Variants in EPB41L1 observed in about 807,000 individuals in gnomAD.
EPB41L1 encodes the protein erythrocyte membrane protein band 4.1 like 1, also known as band 4.1-like protein 1.
Under a neutral mutation model 97.8 loss-of-function variants are expected in EPB41L1, and 29 were observed. The ratio of observed to expected loss-of-function variants is 0.30; its 90% CI spans 0.22 to 0.40. EPB41L1 has a LOEUF of 0.40. EPB41L1 is among the 10% of genes least tolerant of loss of function. The pLI is 1.00. For missense variants in EPB41L1, 812 were observed against 1,162.3 expected, an observed-to-expected ratio of 0.70 and a Z score of 4.38; for synonymous variants, 383 against 459.2, an observed-to-expected ratio of 0.83 and a Z score of 2.12.
intron 2 of EPB41L1, among the ~76,000 whole-genome samples, chr20:36,140,634 A>T (rs2059603098): frequency 6.6e-6 from 1 of 152,210 alleles, no homozygotes; most frequent in African/African-American, 2.4e-5. Flanking sequence ...TGCAAAAATA[A>T]AATTGGAATG....
At chr20:36,120,966 T>G (rs1229259449) in intron 2 of EPB41L1, among the ~76,000 whole-genome samples, 3 of 151,964 alleles carry the variant, frequency 2.0e-5, no homozygotes, top group African/African-American at 4.8e-5. Context: ...TCCCAGAGCC[T>G]TTGGTAGTTC....
chr20:36,120,498 T>C (rs963963218), intron 2 of EPB41L1, among the ~76,000 whole-genome samples: 1 of 152,212 alleles, frequency 6.6e-6, no homozygotes, highest in African/African-American at 2.4e-5. Context: ...ATCTGCCTTT[T>C]GCCTTTGAAT....
At chr20:36,213,602 C>T (rs886765398) in intron 16 of EPB41L1, among the ~76,000 whole-genome samples, 4 of 152,180 alleles carry the variant, frequency 2.6e-5, no homozygotes, top group Admixed American at 1.3e-4. Context: ...TTTAGTAACA[C>T]GTGTTTCTGT....
intron 8 of EPB41L1, 28 bp from the exon 9 acceptor site, chr20:36,188,319 T>A: frequency 6.2e-7 from 1 of 1,612,276 alleles, no homozygotes; most frequent in Non-Finnish European, 8.5e-7. Context: ...ACCCCGGGCC[T>A]CCCATTCCAT....
intron 13 of EPB41L1, 184 bp from the exon 14 acceptor site, chr20:36,197,675 C>T (rs2062275227): frequency 2.0e-6 from 2 of 985,358 alleles, no homozygotes; most frequent in Non-Finnish European, 2.4e-6. Flanking sequence ...GGATGTGCAC[C>T]TGTTGGGGTG....
intron 17 of EPB41L1, among the ~76,000 whole-genome samples, chr20:36,216,397 G>C (rs2063444139): frequency 6.6e-6 from 1 of 152,192 alleles, no homozygotes; most frequent in Non-Finnish European, 1.5e-5. Context: ...GGAGGAGTCG[G>C]GGGGGAAGAG....
At chr20:36,132,203 T>C (rs575391529) in intron 2 of EPB41L1, among the ~76,000 whole-genome samples, 3 of 152,260 alleles carry the variant, frequency 2.0e-5, no homozygotes, top group South Asian at 4.1e-4. Flanking sequence ...CCTAGACTTC[T>C]AGAGGTCAAA....
rs752168455 is a variant in EPB41L1, at chr20:36,209,783, T to C, written c.1964T>C (p.Leu655Pro). The C allele has an allele frequency of 4.3e-6, 7 of 1,614,036 alleles. No homozygotes were observed. The African/African-American group carries it at 9.3e-5, about 22-fold the overall frequency. ...AAAAGCGACTCGGACACTGAGGGCC[T>C]GCTGTTCTCCCGGGATCTCAACAAG... ...RDKSDSDTEG[L>P]LFSRDLNKGA... The change falls in exon 15 of 22, where the codon CTG becomes CCG. Residue 655 changes from leucine (L) to proline (P), a missense_variant. Around this residue, in one of 3 missense-constraint regions of EPB41L1, gnomAD observed 498 missense variants for 622.7 expected, o/e 0.80. Coordinates refer to ENST00000338074, the MANE Select transcript of EPB41L1 (RefSeq NM_012156.2). The surrounding 1 kb of genome is among the most constrained non-coding windows in gnomAD (Gnocchi z 4.2).
intron 2 of EPB41L1, among the ~76,000 whole-genome samples, chr20:36,146,353 G>C (rs1171461066): frequency 6.6e-6 from 1 of 152,234 alleles, no homozygotes; most frequent in African/African-American, 2.4e-5. Flanking sequence ...CTGCTCACAG[G>C]CTTCTACGAG....
rs183730841 is a variant in EPB41L1, at chr20:36,185,615, A to G, written c.785+280A>G. On this transcript the variant is annotated intron_variant, in intron 7 of 21. Transcript: ENST00000338074. ...CCTCTGAGAATAAGTTTATCTGCCA[A>G]CTGGAGAAAATAATCGCTACTGTGT... 9.2e-5 allele frequency among the ~76,000 whole-genome samples: 14 copies of G among 152,328 alleles called. No homozygotes were observed. In the East Asian group the frequency reaches 1.9e-3, roughly 21 times the overall value.
chr20:36,204,587 C>T (rs2062694748), intron 14 of EPB41L1, among the ~76,000 whole-genome samples: 1 of 150,094 alleles, frequency 6.7e-6, no homozygotes, highest in Non-Finnish European at 1.5e-5. Context: ...CAGGTCCAAG[C>T]AATTCTCCTG....
At chr20:36,099,841 G>C (rs941161164) in intron 1 of EPB41L1, among the ~76,000 whole-genome samples, 1 of 152,236 alleles carries the variant, frequency 6.6e-6, no homozygotes. Context: ...CCAGAAGCAG[G>C]AGCTCAGGGC....
At position 36,127,344 on chromosome 20, in the gene EPB41L1, A is replaced by G. The variant is rs530662569; in HGVS notation, c.-10+14864A>G. Among the ~76,000 whole-genome samples, 17 of 152,160 alleles carry G rather than the reference A, an allele frequency of 1.1e-4. No homozygotes were observed. In the South Asian group the frequency reaches 3.3e-3, roughly 30 times the overall value. On this transcript the variant is annotated intron_variant, in intron 2 of 19. Coordinates refer to the EPB41L1 transcript ENST00000202028. ...GGAACCAAAGTTTCTGCCTTCTTCT[A>G]AGGCCCTGATTGGCTCCTGCTGGAG...
In EPB41L1 at chr20:36,195,522, C is replaced by T. The variant is rs987502092; in HGVS notation, c.1485+158C>T. ...ATCCCCCTCTGCAGCCGTCCTTGCT[C>T]CCCACTCCGCCACCCGCTAAGCTTC... On this transcript the variant is annotated intron_variant, in intron 13 of 21. Coordinates refer to ENST00000338074, the MANE Select transcript of EPB41L1 (RefSeq NM_012156.2). This position sits in a 1 kb window ranked among gnomAD's most constrained non-coding sequence, Gnocchi z 4.6. Among the ~76,000 whole-genome samples the T allele has an allele frequency of 1.3e-5, 2 of 152,130 alleles. No homozygotes were observed. The highest frequency in any genetic ancestry group is 1.5e-5 in the Non-Finnish European group (1 of 68,022).
Position 36,190,152 on chromosome 20 carries a change from G to A in EPB41L1, c.1027-125G>A. On this transcript the variant is annotated intron_variant, in intron 9 of 21. Transcript: ENST00000338074. The surrounding 1 kb of genome is among the most constrained non-coding windows in gnomAD (Gnocchi z 5.8). ...GATTGCGCCACTGTACTCCACCCTG[G>A]GCAAATGATCGAGACCCTGTGTCTC... is the stretch of plus-strand genomic sequence containing the variant. 1 of 786,706 alleles carries A rather than the reference G, an allele frequency of 1.3e-6. No homozygotes were observed. The highest frequency in any genetic ancestry group is 2.2e-6 in the Non-Finnish European group (1 of 461,828). The allele number at this position is 786,706 out of a possible 1,614,324, so 48.7% of individuals were successfully genotyped here.
chr20:36,218,670 G>A (rs553677836), intron 17 of EPB41L1, among the ~76,000 whole-genome samples: 1 of 152,358 alleles, frequency 6.6e-6, no homozygotes, highest in South Asian at 2.1e-4. Context: ...TGTTGAATGA[G>A]CGAGTGTGCA....
chr20:36,170,136 C>T (rs1321197926), intron 1 of EPB41L1, among the ~76,000 whole-genome samples: 1 of 152,004 alleles, frequency 6.6e-6, no homozygotes. Context: ...AAGATTTCAT[C>T]ATAGATTTTT....
At chr20:36,153,305 A>G (rs1002767823), upstream of EPB41L1, among the ~76,000 whole-genome samples, 2 of 151,832 alleles carry the variant, frequency 1.3e-5, no homozygotes, top group Non-Finnish European at 2.9e-5. Context: ...GCCTGGCTCT[A>G]TAGTGTGTGA....
intron 21 of EPB41L1, 72 bp from the exon 22 acceptor site, chr20:36,229,260 T>C (rs2064372938): frequency 7.6e-7 from 1 of 1,322,126 alleles, no homozygotes; most frequent in Admixed American, 1.8e-5. Context: ...AAGTTACTAA[T>C]TTTTCTTGTC....
Sources: gnomAD v4.1 joint callset for allele counts (sites outside exome capture counted in the v4.1 genomes callset) on GRCh38, gnomAD v4.1.1 for gene constraint, gnomAD v4.1.1 regional missense constraint, Gnocchi (gnomAD v3.1) non-coding constraint, MANE v1.5 for transcripts, NCBI Gene and HGNC (gene_info 2026-07-23, HGNC 2026-07-21) for gene names.